Variants in KCNN2 observed in about 807,000 individuals in gnomAD.
KCNN2 encodes the protein potassium calcium-activated channel subfamily N member 2.
A neutral mutation model predicts 55.5 loss-of-function variants in KCNN2; 24 were observed. The ratio of observed to expected loss-of-function variants is 0.43; its 90% CI spans 0.31 to 0.61. The LOEUF (loss-of-function observed/expected upper bound fraction) is 0.61, where lower values mean the gene tolerates loss of function less well. KCNN2 is among the 20% of genes least tolerant of loss of function. The probability of loss-of-function intolerance (pLI) is 0.08; values close to 1 mark genes in which losing one functional copy is unlikely to be tolerated. For missense variants in KCNN2, 754 were observed against 853.6 expected (o/e 0.88, Z 1.45); for synonymous variants, 431 against 336.1 (o/e 1.28, Z -3.09).
chr5:114,319,183 A>G (rs142667806), intron 2 of KCNN2, among the ~76,000 whole-genome samples: 102 of 152,272 alleles, frequency 6.7e-4, no homozygotes, highest in Middle Eastern at 3.4e-3. Context: ...GAAAGCAGCT[A>G]AGTCCACTGG....
chr5:114,385,561 T>C (rs182578373), intron 2 of KCNN2, among the ~76,000 whole-genome samples: 171 of 141,704 alleles, frequency 1.2e-3, no homozygotes, highest in African/African-American at 4.6e-3. Context: ...ACACACATTA[T>C]TGGAATCATG....
At chr5:114,204,554 A>G (rs1580616414) in intron 1 of KCNN2, among the ~76,000 whole-genome samples, 1 of 152,204 alleles carries the variant, frequency 6.6e-6, no homozygotes, top group Admixed American at 6.5e-5. Context: ...GGTGGTTACC[A>G]CTTCTTTTCC....
intron 2 of KCNN2, among the ~76,000 whole-genome samples, chr5:114,376,778 A>G (rs141891792): frequency 2.2e-4 from 33 of 152,308 alleles, no homozygotes; most frequent in African/African-American, 7.9e-4. Context: ...GATAAAGTGA[A>G]CAGGTTTTAA....
At chr5:114,354,223 C>A (rs1018268647) in intron 2 of KCNN2, among the ~76,000 whole-genome samples, 2 of 151,944 alleles carry the variant, frequency 1.3e-5, no homozygotes, top group African/African-American at 4.8e-5. Context: ...TATGGTTACT[C>A]TACTTTTCAA....
At chr5:114,326,132 C>T (rs548649631) in intron 2 of KCNN2, among the ~76,000 whole-genome samples, 5 of 152,134 alleles carry the variant, frequency 3.3e-5, no homozygotes, top group African/African-American at 9.7e-5. Context: ...GGATTGCAGG[C>T]ACGTGTGTGT....
intron 2 of KCNN2, among the ~76,000 whole-genome samples, chr5:114,232,984 G>C (rs1015683947): frequency 1.3e-4 from 16 of 126,662 alleles, no homozygotes; most frequent in African/African-American, 3.9e-4. Context: ...GCAGTGGCGG[G>C]ATCTCGGCTC....
chr5:114,466,076 G>C (rs1239375969), intron 4 of KCNN2, among the ~76,000 whole-genome samples: 1 of 151,642 alleles, frequency 6.6e-6, no homozygotes, highest in Non-Finnish European at 1.5e-5. Context: ...ACCAATATGG[G>C]AATTAAAGCT....
intron 1 of KCNN2, among the ~76,000 whole-genome samples, chr5:114,112,059 C>G (rs1359547069): frequency 6.6e-6 from 1 of 152,028 alleles, no homozygotes; most frequent in Non-Finnish European, 1.5e-5. Flanking sequence ...TTCACAGTAG[C>G]AAAGAAGTGG....
chr5:114,230,273 T>C (rs1451663992), intron 2 of KCNN2, among the ~76,000 whole-genome samples: 3 of 123,900 alleles, frequency 2.4e-5, no homozygotes, highest in African/African-American at 9.2e-5. Context: ...TATTCTTTTT[T>C]TTTTTCTTTC....
intron 1 of KCNN2, among the ~76,000 whole-genome samples, chr5:114,198,223 G>A (rs1433843977): frequency 1.3e-5 from 2 of 151,292 alleles, no homozygotes; most frequent in African/African-American, 2.4e-5. Flanking sequence ...ACTTTAACCT[G>A]CTCTGGCTCC....
intron 2 of KCNN2, among the ~76,000 whole-genome samples, chr5:114,294,635 G>A (rs1285748762): frequency 1.3e-5 from 2 of 152,128 alleles, no homozygotes; most frequent in African/African-American, 4.8e-5. Context: ...TTTTGGAATA[G>A]GTGTGGTGTG....
At chr5:114,307,442 C>G (rs983826409) in intron 2 of KCNN2, among the ~76,000 whole-genome samples, 1 of 152,100 alleles carries the variant, frequency 6.6e-6, no homozygotes, top group Non-Finnish European at 1.5e-5. Flanking sequence ...CTTGCCTGTT[C>G]TGATAATTTT....
chr5:114,275,270 A>G (rs1473417013), intron 2 of KCNN2, among the ~76,000 whole-genome samples: 1 of 152,178 alleles, frequency 6.6e-6, no homozygotes, highest in Non-Finnish European at 1.5e-5. Flanking sequence ...GTCGATGTTC[A>G]TCAGGGATAT....
At chr5:114,080,491 G>A (rs1026900263) in intron 1 of KCNN2, among the ~76,000 whole-genome samples, 2 of 152,050 alleles carry the variant, frequency 1.3e-5, no homozygotes, top group Non-Finnish European at 2.9e-5. Context: ...GGCTATTCAT[G>A]TTATCTGTTT....
At chr5:114,214,190 T>A (rs1289370410) in intron 1 of KCNN2, among the ~76,000 whole-genome samples, 1 of 151,970 alleles carries the variant, frequency 6.6e-6, no homozygotes, top group Non-Finnish European at 1.5e-5. Flanking sequence ...AGTAAATAGC[T>A]TCGTATGCCA....
chr5:114,469,686 A>G (rs558489154), intron 4 of KCNN2, among the ~76,000 whole-genome samples: 1 of 152,344 alleles, frequency 6.6e-6, no homozygotes, highest in African/African-American at 2.4e-5. Flanking sequence ...CGTCCTGGAA[A>G]TAGACACTGG....
At chr5:114,192,077 A>G (rs1459813886) in intron 1 of KCNN2, among the ~76,000 whole-genome samples, 2 of 152,230 alleles carry the variant, frequency 1.3e-5, no homozygotes, top group Non-Finnish European at 2.9e-5. Context: ...TGCTCTGTCT[A>G]CTTAGCCAAG....
intron 1 of KCNN2, among the ~76,000 whole-genome samples, chr5:114,098,433 C>T (rs1266788217): frequency 6.6e-6 from 1 of 151,984 alleles, no homozygotes; most frequent in Non-Finnish European, 1.5e-5. Flanking sequence ...GTGAGCATTA[C>T]TGCCTGAGTT....
chr5:114,493,945 G>C (rs532478725), intron 7 of KCNN2, among the ~76,000 whole-genome samples: 9 of 152,170 alleles, frequency 5.9e-5, no homozygotes, highest in African/African-American at 1.4e-4. Flanking sequence ...TAGAATGAAA[G>C]TTATCACCCT....
Sources: gnomAD v4.1 joint callset for allele counts (sites outside exome capture counted in the v4.1 genomes callset) on GRCh38, gnomAD v4.1.1 for gene constraint, MANE v1.5 for transcripts, NCBI Gene and HGNC (gene_info 2026-07-23, HGNC 2026-07-21) for gene names.